SLC16A7: variants seen among roughly 807,000 people sequenced by gnomAD.
SLC16A7 encodes the protein monocarboxylate transporter 2.
A neutral mutation model predicts 34.9 loss-of-function variants in SLC16A7; 33 were observed. The ratio of observed to expected loss-of-function variants is 0.94; its 90% CI spans 0.72 to 1.26. The LOEUF is 1.26. Ranked by LOEUF, SLC16A7 falls within the 50% of genes most tolerant of loss-of-function variation. SLC16A7 has a pLI of 0.00. For missense variants in SLC16A7, 573 were observed against 578.1 expected, an observed-to-expected ratio of 0.99 and a Z score of 0.09; for synonymous variants, 201 against 206.6, an observed-to-expected ratio of 0.97 and a Z score of 0.23.
At position 59,741,592 on chromosome 12, in the gene SLC16A7, C is replaced by T. The variant is rs761336923; in HGVS notation, c.218-29627C>T. ...AGGGATAGCATGCTAATACAGTCAC[C>T]GTTTTCAGTTACCACCATTCTTTTC... On this transcript the variant is annotated intron_variant, in intron 3 of 5. Transcript: ENST00000547379. Among the ~76,000 whole-genome samples the T allele has an allele frequency of 3.9e-5, 6 of 152,268 alleles. No individual in the cohort carries two copies. In the East Asian group the frequency reaches 5.8e-4, roughly 15 times the overall value.
chr12:59,625,249 A>G (rs769041270), intron 1 of SLC16A7, among the ~76,000 whole-genome samples: 99 of 151,864 alleles, frequency 6.5e-4, no homozygotes, highest in Non-Finnish European at 1.2e-3. Flanking sequence ...TTCTTCATGG[A>G]CTACCAATTT....
intron 3 of SLC16A7, among the ~76,000 whole-genome samples, chr12:59,727,099 GATATTGAGTATT>G (rs1876349362): frequency 6.7e-6 from 1 of 149,880 alleles, no homozygotes; most frequent in Non-Finnish European, 1.5e-5. Flanking sequence ...TTAGCCAACT[GATATTGAGTATT>G]ACAATTCTGT....
intron 3 of SLC16A7, among the ~76,000 whole-genome samples, chr12:59,705,813 G>A (rs554965069): frequency 1.8e-3 from 268 of 152,102 alleles, no homozygotes; most frequent in African/African-American, 6.1e-3. Context: ...TTGACTTTAA[G>A]GGATAGATAT....
At chr12:59,742,459 T>C (rs1486042313) in intron 3 of SLC16A7, among the ~76,000 whole-genome samples, 1 of 152,198 alleles carries the variant, frequency 6.6e-6, no homozygotes, top group Non-Finnish European at 1.5e-5. Flanking sequence ...GCCCTGTTCA[T>C]GCCTAACAAC....
chr12:59,690,232 A>G (rs1871487949), intron 2 of SLC16A7, among the ~76,000 whole-genome samples: 2 of 152,040 alleles, frequency 1.3e-5, no homozygotes, highest in African/African-American at 4.8e-5. Context: ...TCCCTAAAGG[A>G]CATGAAAATC....
chr12:59,637,905 G>C (rs974916486), intron 1 of SLC16A7, among the ~76,000 whole-genome samples: 7 of 152,062 alleles, frequency 4.6e-5, no homozygotes, highest in Admixed American at 3.9e-4. Context: ...GCTCTTTCAT[G>C]CTCTTTTGCT....
intron 1 of SLC16A7, among the ~76,000 whole-genome samples, chr12:59,632,607 T>A (rs1237342061): frequency 2.0e-5 from 3 of 151,992 alleles, no homozygotes; most frequent in Non-Finnish European, 2.9e-5. Flanking sequence ...CTTGCCCTAG[T>A]CCTGACACTA....
chr12:59,735,978 A>T, intron 3 of SLC16A7: 1 of 1,096,878 alleles, frequency 9.1e-7, no homozygotes, highest in Non-Finnish European at 1.2e-6. Context: ...AGAGATCACC[A>T]TCTACTTGAG....
intron 3 of SLC16A7, among the ~76,000 whole-genome samples, chr12:59,757,715 G>C (rs1170944163): frequency 6.6e-6 from 1 of 151,950 alleles, no homozygotes; most frequent in Non-Finnish European, 1.5e-5. Flanking sequence ...GCACCCCTGA[G>C]TCAGCCAGAC....
intron 3 of SLC16A7, among the ~76,000 whole-genome samples, chr12:59,725,864 T>C (rs1876169274): frequency 6.6e-6 from 1 of 152,142 alleles, no homozygotes; most frequent in Non-Finnish European, 1.5e-5. Flanking sequence ...TCCTACATGT[T>C]CTTATTATTG....
At chr12:59,752,890 G>C (rs1337912138) in intron 3 of SLC16A7, among the ~76,000 whole-genome samples, 1 of 152,222 alleles carries the variant, frequency 6.6e-6, no homozygotes, top group Non-Finnish European at 1.5e-5. Flanking sequence ...AAGCCCATCA[G>C]ACTAACAGCG....
intron 1 of SLC16A7, among the ~76,000 whole-genome samples, chr12:59,609,450 C>A (rs1219956121): frequency 1.3e-5 from 2 of 150,034 alleles, no homozygotes; most frequent in African/African-American, 4.9e-5. Context: ...AGATAAGCGA[C>A]TTAGAGAACA....
intron 2 of SLC16A7, among the ~76,000 whole-genome samples, chr12:59,679,353 G>A (rs945440195): frequency 6.6e-6 from 1 of 152,152 alleles, no homozygotes; most frequent in African/African-American, 2.4e-5. Flanking sequence ...ACTGCAGCTG[G>A]CATCATGTCA....
intron 3 of SLC16A7, among the ~76,000 whole-genome samples, chr12:59,718,663 G>A (rs528791772): frequency 1.3e-5 from 2 of 152,192 alleles, no homozygotes; most frequent in Non-Finnish European, 2.9e-5. Flanking sequence ...TTATGTTAAG[G>A]TTATGTTATA....
intron 2 of SLC16A7, among the ~76,000 whole-genome samples, chr12:59,704,528 A>T (rs953414094): frequency 2.0e-5 from 3 of 152,148 alleles, no homozygotes; most frequent in African/African-American, 7.2e-5. Context: ...CACTTTGAGT[A>T]ATTTTTGTTT....
Position 59,781,905 on chromosome 12 carries a change from ATTATATATAT to A in SLC16A7, c.*2229_*2238del, listed in dbSNP as rs555576587. On this transcript the variant is annotated 3_prime_UTR_variant, in exon 6 of 6. Coordinates refer to ENST00000547379, the MANE Select transcript of SLC16A7 (RefSeq NM_001270623.2). The stretch of plus-strand genomic sequence containing the variant: ...CATGAGGTTTTAGGTCAAAGACTAC[ATTATATATAT>A]TTTTTATTACCTTCTAGTAGAGACA... 15 of 152,214 alleles carry A rather than the reference ATTATATATAT, an allele frequency of 9.9e-5. No homozygotes were observed. In the South Asian group the frequency reaches 3.1e-3, roughly 32 times the overall value. 9.4% of individuals were successfully genotyped at this position (152,214 alleles called of 1,614,324 possible).
chr12:59,765,712 A>G (rs1016934572), intron 3 of SLC16A7, among the ~76,000 whole-genome samples: 20 of 152,168 alleles, frequency 1.3e-4, no homozygotes, highest in African/African-American at 4.8e-4. Flanking sequence ...TGGTACCAGT[A>G]TCATGCCGTT....
At chr12:59,736,664 G>A (rs924567805) in intron 3 of SLC16A7, among the ~76,000 whole-genome samples, 1 of 152,154 alleles carries the variant, frequency 6.6e-6, no homozygotes, top group African/African-American at 2.4e-5. Flanking sequence ...GACCACAGAT[G>A]ACCAGCCTCG....
At chr12:59,639,619 C>G (rs932190181) in intron 1 of SLC16A7, among the ~76,000 whole-genome samples, 1 of 152,092 alleles carries the variant, frequency 6.6e-6, no homozygotes, top group Non-Finnish European at 1.5e-5. Context: ...CTCCTGGGCT[C>G]AAGAGATTCT....
Sources: allele counts gnomAD v4.1 joint callset (sites outside exome capture counted in the v4.1 genomes callset), GRCh38; gene constraint gnomAD v4.1.1; transcripts MANE v1.5; gene names NCBI Gene and HGNC (gene_info 2026-07-23, HGNC 2026-07-21).